DPYSL2: variants seen among roughly 807,000 people sequenced by gnomAD.
DPYSL2 encodes dihydropyrimidinase like 2.
In DPYSL2, 13 loss-of-function variants were observed where a neutral mutation model predicts 69.9. The observed-to-expected ratio is 0.19, with a 90% CI of 0.12 to 0.30. The LOEUF is 0.30. Ranked by LOEUF, DPYSL2 falls within the 10% of genes least tolerant of loss-of-function variation. The probability of loss-of-function intolerance (pLI) is 1.00; values close to 1 mark genes in which losing one functional copy is unlikely to be tolerated. For synonymous variants in DPYSL2, 326 were observed against 359.1 expected (o/e 0.91, Z 1.04); for missense variants, 587 against 918.9 (o/e 0.64, Z 4.67).
In DPYSL2 at chr8:26,565,154, G is replaced by A. The variant is rs573443404; in HGVS notation, c.355-16815G>A. On this transcript the variant is annotated intron_variant, in intron 1 of 13. Coordinates refer to ENST00000521913, the MANE Select transcript of DPYSL2 (RefSeq NM_001197293.3). This position sits in a 1 kb window ranked among gnomAD's most constrained non-coding sequence, Gnocchi z 4.1. Reference sequence around the variant, plus strand: ...CTGAGTAGTATTCCAAGGTGTATATGTACCACATTTTCTTCATCCACTCAT... The same window carrying A: ...CTGAGTAGTATTCCAAGGTGTATATATACCACATTTTCTTCATCCACTCAT... 6.6e-6 allele frequency among the ~76,000 whole-genome samples: 1 copy of A among 152,266 alleles called. No individual in the cohort carries two copies. The highest frequency in any genetic ancestry group is 1.9e-4 in the East Asian group (1 of 5,190).
Position 26,626,465 on chromosome 8 carries a change from CTCTT to C in DPYSL2, c.794-148_794-145del, listed in dbSNP as rs891283997. The C allele has an allele frequency of 2.0e-4, 134 of 664,464 alleles. No homozygotes were observed. The African/African-American group carries it at 2.4e-3, about 12-fold the overall frequency. The allele number at this position is 664,464 out of a possible 1,614,324, so 41.2% of individuals were successfully genotyped here. A position where few individuals can be genotyped will look rare whatever the true frequency, so the allele number is the denominator to read the frequency against. Reference sequence around the variant, plus strand: ...TTCTGTGTCTCCATTTCTCTCCTCTCTCTTTCTCTGTACTGAAACACACACACAC... The same window carrying C: ...TTCTGTGTCTCCATTTCTCTCCTCTCTCTCTGTACTGAAACACACACACAC... On this transcript the variant is annotated intron_variant, in intron 4 of 13. Transcript: ENST00000521913. This position sits in a 1 kb window ranked among gnomAD's most constrained non-coding sequence, Gnocchi z 4.3.
At chr8:26,628,902 A>C (rs1008457179) in intron 7 of DPYSL2, among the ~76,000 whole-genome samples, 1 of 152,140 alleles carries the variant, frequency 6.6e-6, no homozygotes, top group Non-Finnish European at 1.5e-5. Context: ...GGATGTGGTC[A>C]TGTTCATACC....
intron 3 of DPYSL2, among the ~76,000 whole-genome samples, chr8:26,584,243 T>C (rs551184088): frequency 3.3e-5 from 5 of 152,364 alleles, no homozygotes; most frequent in East Asian, 1.9e-4. Flanking sequence ...TTTCTCTCCA[T>C]GTGGACTTTT....
chr8:26,574,831 C>G (rs970877431), intron 1 of DPYSL2, among the ~76,000 whole-genome samples: 3 of 152,186 alleles, frequency 2.0e-5, no homozygotes, highest in African/African-American at 7.2e-5. Context: ...ACAGCCTCAG[C>G]CTCCCAGCCT....
At chr8:26,557,325 G>C (rs1801004475) in intron 1 of DPYSL2, among the ~76,000 whole-genome samples, 1 of 151,974 alleles carries the variant, frequency 6.6e-6, no homozygotes, top group Non-Finnish European at 1.5e-5. Context: ...TATCCAAAAT[G>C]TACAAAGAAC....
rs1248192641 is a variant in DPYSL2, at chr8:26,654,019, T to A, written c.1942+622T>A. On this transcript the variant is annotated intron_variant, in intron 13 of 13. Coordinates refer to ENST00000521913, the MANE Select transcript of DPYSL2 (RefSeq NM_001197293.3). The surrounding 1 kb of genome is among the most constrained non-coding windows in gnomAD (Gnocchi z 5.0). ...ATCATAAGAAAGGACACTGTGGTAT[T>A]TCAGGACTTCTCTTCTCTCCTACAG... Among the ~76,000 whole-genome samples the A allele has an allele frequency of 6.6e-6, 1 of 152,222 alleles. No individual in the cohort carries two copies. The highest frequency in any genetic ancestry group is 1.5e-5 in the Non-Finnish European group (1 of 68,040).
chr8:26,634,428 CTTTTTTTT>C (rs55746168), intron 7 of DPYSL2, among the ~76,000 whole-genome samples: 2 of 91,146 alleles, frequency 2.2e-5, no homozygotes, highest in African/African-American at 3.9e-5. Flanking sequence ...CCATGCCCAG[CTTTTTTTT>C]TTTTTTTTTT....
chr8:26,577,224 C>T, intron 1 of DPYSL2: 1 of 416,904 alleles, frequency 2.4e-6, no homozygotes, highest in South Asian at 1.6e-5. Context: ...CCCCGGCCCG[C>T]GCCCATTCCC....
chr8:26,596,759 G>A (rs1585534159), intron 3 of DPYSL2, among the ~76,000 whole-genome samples: 1 of 152,350 alleles, frequency 6.6e-6, no homozygotes, highest in African/African-American at 2.4e-5. Flanking sequence ...GCAAGTGCGA[G>A]GGCTGGGATT....
rs1451557332 is a variant in DPYSL2, at chr8:26,587,920, A to G, written c.628+3937A>G. On this transcript the variant is annotated intron_variant, in intron 3 of 13. Coordinates refer to ENST00000521913, the MANE Select transcript of DPYSL2 (RefSeq NM_001197293.3). This position sits in a 1 kb window ranked among gnomAD's most constrained non-coding sequence, Gnocchi z 4.2. ...GACTGAGGCCGGAAGGACAGACACG[A>G]CTTGCCAACACTTACCCTGTGCGTC... Among the ~76,000 whole-genome samples the G allele has an allele frequency of 6.6e-6, 1 of 152,144 alleles. No homozygotes were observed. Among genetic ancestry groups the G allele is most frequent in the African/African-American group, 2.4e-5 (1 of 41,426 alleles).
chr8:26,636,572 T>C (rs1450990084), intron 8 of DPYSL2, among the ~76,000 whole-genome samples: 1 of 152,126 alleles, frequency 6.6e-6, no homozygotes, highest in Non-Finnish European at 1.5e-5. Context: ...CAGACTTTAG[T>C]TGGGGGAGGT....
chr8:26,557,597 G>A (rs1801008381), intron 1 of DPYSL2, among the ~76,000 whole-genome samples: 2 of 96,052 alleles, frequency 2.1e-5, no homozygotes. Context: ...GGCCAACATG[G>A]CAAAACCCTG....
intron 1 of DPYSL2, among the ~76,000 whole-genome samples, chr8:26,581,031 A>T (rs945714196): frequency 3.3e-5 from 5 of 152,214 alleles, no homozygotes; most frequent in African/African-American, 1.2e-4. Context: ...GCATCTTAGA[A>T]TTTGCTATCT....
rs767686402 is a variant in DPYSL2 at position 26,653,442 on chromosome 8, C to T, written c.1942+45C>T. On this transcript the variant is annotated intron_variant, in intron 13 of 13. Transcript: ENST00000521913. This position sits in a 1 kb window ranked among gnomAD's most constrained non-coding sequence, Gnocchi z 5.7. Reference sequence around the variant, plus strand: ...AGGGCACAGTTCTGCAGGGCCAGCTCGCTGGTGCTGGCGAGGCTACAGTTG... The same window carrying T: ...AGGGCACAGTTCTGCAGGGCCAGCTTGCTGGTGCTGGCGAGGCTACAGTTG... The T allele has an allele frequency of 8.9e-6, 14 of 1,564,962 alleles. No homozygotes were observed. Among genetic ancestry groups the T allele is most frequent in the African/African-American group, 5.5e-5 (4 of 73,384 alleles).
At position 26,652,706 on chromosome 8, in the gene DPYSL2, G is replaced by T. The variant is rs1185426890; in HGVS notation, c.1776+270G>T. ...CCCAGAGGAGGGAGCCACTGCTGTA[G>T]TTGGGGAGAGTGTCATGGGGAGAGG... On this transcript the variant is annotated intron_variant, in intron 12 of 13. Coordinates refer to ENST00000521913, the MANE Select transcript of DPYSL2 (RefSeq NM_001197293.3). The surrounding 1 kb of genome is among the most constrained non-coding windows in gnomAD (Gnocchi z 6.3). Among the ~76,000 whole-genome samples, 1 of 152,144 alleles carries T rather than the reference G, an allele frequency of 6.6e-6. No homozygotes were observed. The highest frequency in any genetic ancestry group is 2.1e-4 in the South Asian group (1 of 4,812).
intron 1 of DPYSL2, among the ~76,000 whole-genome samples, chr8:26,536,690 A>C (rs1389669987): frequency 6.6e-6 from 1 of 152,028 alleles, no homozygotes; most frequent in African/African-American, 2.4e-5. Flanking sequence ...CAAACAAACA[A>C]ACAAAACAGT....
At chr8:26,535,496 C>A (rs1800576317) in intron 1 of DPYSL2, among the ~76,000 whole-genome samples, 1 of 152,038 alleles carries the variant, frequency 6.6e-6, no homozygotes, top group Non-Finnish European at 1.5e-5. Context: ...TGTTTCATGA[C>A]CTTTTTCTGC....
chr8:26,643,386 T>C lies in DPYSL2; in HGVS notation c.1127-53T>C. 1 of 1,525,618 alleles carries C rather than the reference T, an allele frequency of 6.6e-7. No individual in the cohort carries two copies. Among genetic ancestry groups the C allele is most frequent in the Non-Finnish European group, 8.8e-7 (1 of 1,137,898 alleles). The allele number at this position is 1,525,618 out of a possible 1,614,324, so 94.5% of individuals were successfully genotyped here. Reference sequence around the variant, plus strand: ...AGGCAGTGGCTCCTCATAGGGGTGGTTCCCTTCCCCCTGCATTGTGTTGGA... The same window carrying C: ...AGGCAGTGGCTCCTCATAGGGGTGGCTCCCTTCCCCCTGCATTGTGTTGGA... On this transcript the variant is annotated intron_variant, in intron 8 of 13. Coordinates refer to ENST00000521913, the MANE Select transcript of DPYSL2 (RefSeq NM_001197293.3). This position sits in a 1 kb window ranked among gnomAD's most constrained non-coding sequence, Gnocchi z 6.5.
rs1254203073 is a variant in DPYSL2, at chr8:26,596,749, G to A, written c.628+12766G>A. Among the ~76,000 whole-genome samples, 3 of 152,228 alleles carry A rather than the reference G, an allele frequency of 2.0e-5. No homozygotes were observed. The East Asian group carries it at 5.8e-4, about 29-fold the overall frequency. On this transcript the variant is annotated intron_variant, in intron 3 of 13. Coordinates refer to ENST00000521913, the MANE Select transcript of DPYSL2 (RefSeq NM_001197293.3). ...TGACTTGCCTGAAGCCACAGAGCCT[G>A]CAAGTGCGAGGGCTGGGATTCCAAT...
Sources: allele counts gnomAD v4.1 joint callset (sites outside exome capture counted in the v4.1 genomes callset), GRCh38; gene constraint gnomAD v4.1.1; non-coding constraint Gnocchi (gnomAD v3.1); transcripts MANE v1.5; gene names NCBI Gene and HGNC (gene_info 2026-07-23, HGNC 2026-07-21).